COL24A1: variants seen among roughly 807,000 people sequenced by gnomAD.
COL24A1 encodes collagen alpha-1(XXIV) chain.
A neutral mutation model predicts 253.9 loss-of-function variants in COL24A1; 224 were observed. The ratio of observed to expected loss-of-function variants is 0.88; its 90% CI spans 0.79 to 0.99. The LOEUF (loss-of-function observed/expected upper bound fraction) is 0.99. COL24A1 is among the 50% of genes least tolerant of loss of function. COL24A1 has a pLI of 0.00. For missense variants in COL24A1, 2,131 were observed against 2,068.5 expected (o/e 1.03, Z -0.59); for synonymous variants, 685 against 673.7 (o/e 1.02, Z -0.26).
intron 37 of COL24A1, among the ~76,000 whole-genome samples, chr1:85,853,400 C>T (rs1260629467): frequency 6.6e-6 from 1 of 151,912 alleles, no homozygotes; most frequent in African/African-American, 2.4e-5. Flanking sequence ...GATTCCATGT[C>T]TTTGCTATTG....
intron 20 of COL24A1, among the ~76,000 whole-genome samples, chr1:85,982,991 C>T (rs537200642): frequency 2.0e-5 from 3 of 151,600 alleles, no homozygotes; most frequent in African/African-American, 7.2e-5. Flanking sequence ...CTTCCTCTTA[C>T]CAAGTTAGCT....
rs144299180 is a variant in COL24A1 at position 85,790,626 on chromosome 1, A to G, written c.3952-4165T>C. Among the ~76,000 whole-genome samples the G allele has an allele frequency of 2.3e-4, 34 of 146,372 alleles. No individual in the cohort carries two copies. The East Asian group carries it at 5.4e-3, about 23-fold the overall frequency. ...GCAGTGATGCAGTTATAGTGTTTCA[A>G]GTGGAACATATATTACTGTGACACT... On this transcript the variant is annotated intron_variant, in intron 47 of 59. Coordinates refer to ENST00000370571, the MANE Select transcript of COL24A1 (RefSeq NM_152890.7).
At chr1:86,112,663 A>G in intron 4 of COL24A1, 43 bp from the exon 5 acceptor site, 1 of 1,569,996 alleles carries the variant, frequency 6.4e-7, no homozygotes, top group Non-Finnish European at 8.8e-7. Flanking sequence ...AACATACTGG[A>G]ATGGAACAAA....
At chr1:85,762,947 A>G (rs550736169) in intron 53 of COL24A1, among the ~76,000 whole-genome samples, 1 of 152,362 alleles carries the variant, frequency 6.6e-6, no homozygotes, top group South Asian at 2.1e-4. Flanking sequence ...TGATCAAACA[A>G]AATACTTCAA....
chr1:85,768,206 A>G (rs1230620169), intron 53 of COL24A1, among the ~76,000 whole-genome samples: 1 of 151,936 alleles, frequency 6.6e-6, no homozygotes, highest in Non-Finnish European at 1.5e-5. Context: ...TGTAGGTGGC[A>G]GGTGGAAAAT....
chr1:86,029,150 G>A (rs1257318850), intron 14 of COL24A1, among the ~76,000 whole-genome samples: 10 of 148,554 alleles, frequency 6.7e-5, no homozygotes, highest in African/African-American at 4.9e-5. Context: ...AAGTTCTCAG[G>A]AAAAAAAAAA....
chr1:86,054,066 G>A (rs1413146870), intron 10 of COL24A1, among the ~76,000 whole-genome samples: 1 of 152,056 alleles, frequency 6.6e-6, no homozygotes, highest in Non-Finnish European at 1.5e-5. Context: ...TCAATAAATG[G>A]TGCTGGAAAA....
chr1:86,130,725 C>A (rs1401375213), intron 2 of COL24A1, among the ~76,000 whole-genome samples: 4 of 151,978 alleles, frequency 2.6e-5, no homozygotes, highest in African/African-American at 4.8e-5. Flanking sequence ...TAATTCCCAG[C>A]TTCTTCAGAT....
At chr1:86,110,537 C>G (rs1342091943) in intron 5 of COL24A1, among the ~76,000 whole-genome samples, 1 of 151,980 alleles carries the variant, frequency 6.6e-6, no homozygotes, top group Non-Finnish European at 1.5e-5. Flanking sequence ...CCAGCTCCCT[C>G]TGCTTGCGGG....
intron 37 of COL24A1, among the ~76,000 whole-genome samples, chr1:85,858,621 C>CCCCTTGCTTCCT (rs1553201493): frequency 8.8e-6 from 1 of 113,270 alleles, no homozygotes; most frequent in Admixed American, 8.9e-5. Flanking sequence ...TATTTTCTCC[C>CCCCTTGCTTCCT]TCCTTCCTTC....
At chr1:85,982,336 A>G (rs1693335398) in intron 20 of COL24A1, among the ~76,000 whole-genome samples, 1 of 152,144 alleles carries the variant, frequency 6.6e-6, no homozygotes, top group South Asian at 2.1e-4. Context: ...AAATGTCTAC[A>G]GATCTGTTGT....
At chr1:85,867,988 A>G (rs904836745) in intron 37 of COL24A1, among the ~76,000 whole-genome samples, 1 of 152,042 alleles carries the variant, frequency 6.6e-6, no homozygotes, top group Non-Finnish European at 1.5e-5. Context: ...CAGGTGATCC[A>G]CCCACTTCAG....
rs1648175253 is a variant in COL24A1 at position 86,125,758 on chromosome 1, T to A, written c.578A>T (p.Glu193Val). ...KKYFSTETIPEVQTFDSNSVF... is the reference protein window; with the variant it reads ...KKYFSTETIPVVQTFDSNSVF... ...ACTATTAGAATCAAAGGTCTGAACTTCTGGAATAGTCTCTGTGCTAAAATA... is the reference window on the plus strand; with the variant it reads ...ACTATTAGAATCAAAGGTCTGAACTACTGGAATAGTCTCTGTGCTAAAATA... The change falls in exon 3 of 60, where the codon GAA becomes GTA. Residue 193 changes from glutamate to valine, a missense_variant. Physicochemically the swap from Glu to Val is moderately radical, Grantham distance 121 (BLOSUM62 -2). Transcript: ENST00000370571. 1.2e-6 allele frequency: 2 copies of A among 1,611,760 alleles called. No individual in the cohort carries two copies. Among genetic ancestry groups the A allele is most frequent in the African/African-American group, 2.7e-5 (2 of 74,804 alleles).
In COL24A1 at chr1:85,764,227, T is replaced by G. The variant is rs550318801; in HGVS notation, c.4375-2661A>C. 4.7e-4 allele frequency among the ~76,000 whole-genome samples: 71 copies of G among 152,122 alleles called. 1 individual carries two copies. In the Middle Eastern group the frequency reaches 0.017, roughly 36 times the overall value. On this transcript the variant is annotated intron_variant, in intron 53 of 59. Transcript: ENST00000370571. ...AGATGCCACTGACATCTCATTCTTT[T>G]CCCCCAATTGTCTCCTAGGGTGGTA... is the stretch of plus-strand genomic sequence containing the variant.
intron 2 of COL24A1, among the ~76,000 whole-genome samples, chr1:86,129,953 C>T (rs1648907420): frequency 6.6e-6 from 1 of 151,796 alleles, no homozygotes; most frequent in Non-Finnish European, 1.5e-5. Flanking sequence ...CTGCCATCAA[C>T]TGAGAGATAA....
At chr1:85,992,344 A>G (rs1488279553) in intron 19 of COL24A1, among the ~76,000 whole-genome samples, 1 of 152,154 alleles carries the variant, frequency 6.6e-6, no homozygotes, top group Non-Finnish European at 1.5e-5. Flanking sequence ...TCCTTCCCAC[A>G]TAGGAGAGCT....
At chr1:85,958,521 T>C (rs565917031) in intron 24 of COL24A1, among the ~76,000 whole-genome samples, 1 of 152,212 alleles carries the variant, frequency 6.6e-6, no homozygotes, top group East Asian at 1.9e-4. Context: ...GCCTAATAAA[T>C]GATTGAAAAA....
At chr1:85,820,902 C>A (rs565163170) in intron 45 of COL24A1, among the ~76,000 whole-genome samples, 1 of 152,134 alleles carries the variant, frequency 6.6e-6, no homozygotes, top group Non-Finnish European at 1.5e-5. Context: ...TTTTAATATG[C>A]AACGTTAATA....
At chr1:85,856,579 C>A (rs1337344497) in intron 37 of COL24A1, among the ~76,000 whole-genome samples, 1 of 152,176 alleles carries the variant, frequency 6.6e-6, no homozygotes, top group Non-Finnish European at 1.5e-5. Flanking sequence ...GATTACCCTA[C>A]CTAATGATAG....
Sources: allele counts gnomAD v4.1 joint callset (sites outside exome capture counted in the v4.1 genomes callset), GRCh38; gene constraint gnomAD v4.1.1; transcripts MANE v1.5; gene names NCBI Gene and HGNC (gene_info 2026-07-23, HGNC 2026-07-21).